FBXO10: variants seen among roughly 807,000 people sequenced by gnomAD.
FBXO10 encodes the protein F-box protein 10.
In FBXO10, 39 loss-of-function variants were observed where a neutral mutation model predicts 80.7. That is an observed-to-expected ratio of 0.48 (90% CI 0.37 to 0.63). The LOEUF is 0.63. FBXO10 is among the 30% of genes least tolerant of loss of function. The pLI, the probability that FBXO10 is intolerant of heterozygous loss-of-function variation, is 0.00. For missense variants in FBXO10, 1,025 were observed against 1,269.0 expected, an observed-to-expected ratio of 0.81 and a Z score of 2.92; for synonymous variants, 449 against 489.6, an observed-to-expected ratio of 0.92 and a Z score of 1.09.
In FBXO10 at chr9:37,563,174, C is replaced by T. The variant is rs142427467; in HGVS notation, c.-7+13037G>A. 1.8e-3 allele frequency among the ~76,000 whole-genome samples: 276 copies of T among 152,290 alleles called. 1 individual carries two copies. The highest frequency in any genetic ancestry group is 6.4e-3 in the African/African-American group (265 of 41,564). ...TTGCACTCATTCTCTCTCCTGCCAC[C>T]CCGTGAAGAGGTGCCTTCTGCCATG... On this transcript the variant is annotated intron_variant, in intron 1 of 10. Transcript: ENST00000432825.
Position 37,529,192 on chromosome 9 carries a change from C to A in FBXO10, c.1638G>T (p.Arg546=). 1 of 1,613,772 alleles carries A rather than the reference C, an allele frequency of 6.2e-7. No homozygotes were observed. Among genetic ancestry groups the A allele is most frequent in the Non-Finnish European group, 8.5e-7 (1 of 1,179,824 alleles). The stretch of plus-strand genomic sequence containing the variant: ...CCTTATTGGAAAAGATTTGATTGTT[C>A]CGGATGATGCCTTTCCCATTGCCAA... ...VVLGNGKGII[R]NNQIFSNKEA... is the part of the protein sequence containing the mutation. The change falls in exon 5 of 11, where the codon CGG becomes CGT. Residue 546 remains arginine, a synonymous_variant. Coordinates refer to ENST00000432825, the MANE Select transcript of FBXO10 (RefSeq NM_012166.3).
chr9:37,554,746 TC>T (rs1386332114), intron 1 of FBXO10, among the ~76,000 whole-genome samples: 1 of 152,254 alleles, frequency 6.6e-6, no homozygotes, highest in African/African-American at 2.4e-5. Flanking sequence ...TGAGATTCAT[TC>T]ATTTCATTGC....
Position 37,521,141 on chromosome 9 carries a change from T to C in FBXO10, c.2200+428A>G, listed in dbSNP as rs372091965. Among the ~76,000 whole-genome samples, 152 of 152,174 alleles carry C rather than the reference T, an allele frequency of 1.0e-3. 1 individual carries two copies. The South Asian group carries it at 0.03, about 30-fold the overall frequency. On this transcript the variant is annotated intron_variant, in intron 8 of 10. Coordinates refer to ENST00000432825, the MANE Select transcript of FBXO10 (RefSeq NM_012166.3). ...AGTTTAATGAATAAATACAGGAGGA[T>C]TGGGGATCAGGCTGGAAGAAGTGGC...
At chr9:37,521,978 G>T in intron 7 of FBXO10, 140 bp from the exon 8 acceptor site, 1 of 870,010 alleles carries the variant, frequency 1.1e-6, no homozygotes, top group Non-Finnish European at 1.7e-6. Context: ...GCCACCTGAT[G>T]GCTCTAGCTG....
rs1175508406 is a variant in FBXO10 at position 37,516,031 on chromosome 9, G to A, written c.2569C>T (p.Arg857Cys). 12 of 1,613,874 alleles carry A rather than the reference G, an allele frequency of 7.4e-6. No individual in the cohort carries two copies. Among genetic ancestry groups the A allele is most frequent in the East Asian group, 2.2e-5 (1 of 44,902 alleles). The change falls in exon 10 of 11, where the codon CGT becomes TGT. Residue 857 changes from arginine (R) to cysteine (C), a missense_variant. Around this residue, in one of 3 missense-constraint regions of FBXO10, gnomAD observed 478 missense variants for 667.8 expected, o/e 0.72. Coordinates refer to ENST00000432825, the MANE Select transcript of FBXO10 (RefSeq NM_012166.3). ...FRAYGIAVRG[R>C]AKALVQENII... The stretch of plus-strand genomic sequence containing the variant: ...TTTTCCTGCACCAGGGCCTTGGCAC[G>A]GCCCCGCACGGCGATGCCGTAGGCC...
intron 8 of FBXO10, among the ~76,000 whole-genome samples, chr9:37,520,487 T>C (rs1478588877): frequency 6.7e-6 from 1 of 149,596 alleles, no homozygotes; most frequent in Non-Finnish European, 1.5e-5. Context: ...TGCCACCAGA[T>C]CCAACTAATT....
In FBXO10 at chr9:37,539,096, G is replaced by C. The variant is rs150354115; in HGVS notation, c.586-1153C>G. On this transcript the variant is annotated intron_variant, in intron 2 of 10. Coordinates refer to ENST00000432825, the MANE Select transcript of FBXO10 (RefSeq NM_012166.3). ...ATCAGATGTATTTGAATCATCAAAT[G>C]AGGGAGTATCTCATGATTCCATTTA... Among the ~76,000 whole-genome samples, 700 of 152,296 alleles carry C rather than the reference G, an allele frequency of 4.6e-3. 4 individuals carry two copies. The highest frequency in any genetic ancestry group is 0.016 in the African/African-American group (645 of 41,552).
chr9:37,545,896 C>T (rs926207718), intron 1 of FBXO10, among the ~76,000 whole-genome samples: 3 of 152,176 alleles, frequency 2.0e-5, no homozygotes, highest in Admixed American at 1.3e-4. Context: ...CCTGTAATCC[C>T]AGCACTTTGG....
chr9:37,512,682 G>T lies in FBXO10; in HGVS notation c.2736C>A (p.Pro912=). The T allele has an allele frequency of 6.2e-7, 1 of 1,613,986 alleles. No individual in the cohort carries two copies. Among genetic ancestry groups the T allele is most frequent in the Non-Finnish European group, 8.5e-7 (1 of 1,179,896 alleles). Residue 912 remains proline (P), a synonymous_variant, in exon 11 of 11, where the codon CCC becomes CCA. Transcript: ENST00000432825. ...GACGTCTGAGAGAATTTTCAAGGTG[G>T]GGCCGTGCTGGTGGGTTCACCAGGC... The part of the protein sequence containing the change: ...TWRLVNPPAR[P]HLENSLRRPS...
At chr9:37,560,528 C>T (rs1192071628) in intron 1 of FBXO10, among the ~76,000 whole-genome samples, 1 of 152,196 alleles carries the variant, frequency 6.6e-6, no homozygotes, top group Non-Finnish European at 1.5e-5. Context: ...TCCGAGCACA[C>T]ATGCACATTT....
intron 1 of FBXO10, among the ~76,000 whole-genome samples, chr9:37,542,378 C>T (rs868520428): frequency 6.6e-6 from 1 of 151,806 alleles, no homozygotes; most frequent in Non-Finnish European, 1.5e-5. Context: ...GGTGGATCAC[C>T]TGAGGTTGGG....
intron 1 of FBXO10, among the ~76,000 whole-genome samples, chr9:37,551,791 T>C (rs1822204453): frequency 1.3e-5 from 2 of 152,252 alleles, no homozygotes; most frequent in South Asian, 4.1e-4. Context: ...ACTGAGAGTT[T>C]TTCAAATCTT....
At chr9:37,541,102 A>G (rs1821899692) in intron 2 of FBXO10, 82 bp downstream of exon 2, 1 of 1,266,932 alleles carries the variant, frequency 7.9e-7, no homozygotes, top group South Asian at 1.4e-5. Flanking sequence ...ATTCCAACAA[A>G]AAAAGGGATT....
intron 1 of FBXO10, among the ~76,000 whole-genome samples, chr9:37,544,576 T>TG (rs1221719150): frequency 6.6e-6 from 1 of 152,184 alleles, no homozygotes; most frequent in Non-Finnish European, 1.5e-5. Context: ...GGAGCACAAA[T>TG]GTCTGATTAT....
chr9:37,518,473 C>T (rs1419848643), intron 8 of FBXO10, 35 bp from the exon 9 acceptor site: 1 of 1,532,110 alleles, frequency 6.5e-7, no homozygotes. Flanking sequence ...ACAGGGGGTC[C>T]CAGGGTCAGC....
intron 10 of FBXO10, among the ~76,000 whole-genome samples, chr9:37,514,733 C>T (rs1821141607): frequency 6.6e-6 from 1 of 152,018 alleles, no homozygotes; most frequent in Non-Finnish European, 1.5e-5. Flanking sequence ...GCTCAGGAGG[C>T]TGAGGCAGGA....
At chr9:37,562,857 C>G (rs1822513772) in intron 1 of FBXO10, among the ~76,000 whole-genome samples, 2 of 152,158 alleles carry the variant, frequency 1.3e-5, no homozygotes, top group Non-Finnish European at 2.9e-5. Flanking sequence ...AGACCCTGCT[C>G]TCAAGTCTGG....
In FBXO10 at chr9:37,512,741, G is replaced by A; in HGVS notation, c.2697-20C>T. ...TCAGACCTGGAGGTGCAAAACGAAAGTCAGTGAACTTCTGAGGGGTGTGCA... is the reference window on the plus strand; with the variant it reads ...TCAGACCTGGAGGTGCAAAACGAAAATCAGTGAACTTCTGAGGGGTGTGCA... On this transcript the variant is annotated intron_variant, in intron 10 of 10. Coordinates refer to ENST00000432825, the MANE Select transcript of FBXO10 (RefSeq NM_012166.3). The A allele has an allele frequency of 6.2e-7, 1 of 1,607,566 alleles. No individual in the cohort carries two copies. Among genetic ancestry groups the A allele is most frequent in the Non-Finnish European group, 8.5e-7 (1 of 1,175,878 alleles).
rs187106978 is a variant in FBXO10, at chr9:37,519,775, C to T, written c.2201-1337G>A. ...TGGTTATCCATCTCCCTGTCCTCTACCACTACCAGAAGCAAGTGCTTACCA... is the reference window on the plus strand; with the variant it reads ...TGGTTATCCATCTCCCTGTCCTCTATCACTACCAGAAGCAAGTGCTTACCA... On this transcript the variant is annotated intron_variant, in intron 8 of 10. Transcript: ENST00000432825. Among the ~76,000 whole-genome samples, 549 of 152,266 alleles carry T rather than the reference C, an allele frequency of 3.6e-3. 4 individuals carry two copies. Among genetic ancestry groups the T allele is most frequent in the African/African-American group, 0.012 (515 of 41,552 alleles).
Sources: gnomAD v4.1 joint callset for allele counts (sites outside exome capture counted in the v4.1 genomes callset) on GRCh38, gnomAD v4.1.1 for gene constraint, gnomAD v4.1.1 regional missense constraint, MANE v1.5 for transcripts, NCBI Gene and HGNC (gene_info 2026-07-23, HGNC 2026-07-21) for gene names.